The following NRXN1 variants were observed in gnomAD, a reference collection of about 807,000 sequenced individuals.
NRXN1 encodes the protein neurexin-1.
In NRXN1, 39 loss-of-function variants were observed where a neutral mutation model predicts 150.9. That is an observed-to-expected ratio of 0.26 (90% CI 0.20 to 0.34). The LOEUF (loss-of-function observed/expected upper bound fraction) is 0.34, where lower values mean the gene tolerates loss of function less well. Among genes scored for constraint, NRXN1 ranks in the 10% least tolerant of loss-of-function variants. The pLI, the probability that NRXN1 is intolerant of heterozygous loss-of-function variation, is 1.00. For missense variants in NRXN1, 1,815 were observed against 1,949.9 expected, an observed-to-expected ratio of 0.93 and a Z score of 1.30; for synonymous variants, 924 against 757.0, an observed-to-expected ratio of 1.22 and a Z score of -3.62.
At chr2:50,652,770 C>T (rs1225255045) in intron 5 of NRXN1, among the ~76,000 whole-genome samples, 1 of 151,954 alleles carries the variant, frequency 6.6e-6, no homozygotes, top group Non-Finnish European at 1.5e-5. Flanking sequence ...TAAGAAACTG[C>T]CAAAAGCTTT....
At chr2:50,303,326 A>G (rs1190312341) in intron 17 of NRXN1, among the ~76,000 whole-genome samples, 4 of 152,170 alleles carry the variant, frequency 2.6e-5, no homozygotes, top group African/African-American at 9.7e-5. Context: ...ACTTAGAATG[A>G]TGAGCGTCTG....
chr2:50,217,523 T>C (rs1335062307), intron 18 of NRXN1, among the ~76,000 whole-genome samples: 2 of 152,054 alleles, frequency 1.3e-5, no homozygotes, highest in African/African-American at 2.4e-5. Context: ...TCTAGGTATG[T>C]AGTTTTTTTT....
At chr2:49,986,273 T>C (rs1295351193) in intron 21 of NRXN1, among the ~76,000 whole-genome samples, 2 of 152,172 alleles carry the variant, frequency 1.3e-5, no homozygotes, top group African/African-American at 4.8e-5. Flanking sequence ...TCCAAAGACA[T>C]ACATATTGTT....
chr2:49,930,887 C>T (rs1168984811), intron 22 of NRXN1, among the ~76,000 whole-genome samples: 1 of 152,198 alleles, frequency 6.6e-6, no homozygotes, highest in Non-Finnish European at 1.5e-5. Flanking sequence ...GTGGCTCACA[C>T]CTGCAGTCGC....
chr2:50,916,497 G>A (rs114921747), intron 5 of NRXN1, among the ~76,000 whole-genome samples: 13,667 of 151,384 alleles, frequency 0.09, 685 homozygotes, highest in South Asian at 0.12. Flanking sequence ...GATTAAAAAA[G>A]TACATTTGCA....
chr2:50,340,767 A>G (rs2077492723), intron 17 of NRXN1, among the ~76,000 whole-genome samples: 1 of 152,148 alleles, frequency 6.6e-6, no homozygotes, highest in South Asian at 2.1e-4. Context: ...TGAATGACAA[A>G]ACAGTATAAA....
At chr2:51,002,560 G>C (rs936507436) in intron 2 of NRXN1, among the ~76,000 whole-genome samples, 3 of 151,954 alleles carry the variant, frequency 2.0e-5, no homozygotes, top group African/African-American at 7.2e-5. Context: ...AAAGAGCTTA[G>C]TTATGAGTCT....
intron 8 of NRXN1, among the ~76,000 whole-genome samples, chr2:50,570,453 C>T (rs1670501642): frequency 6.6e-6 from 1 of 152,108 alleles, no homozygotes; most frequent in African/African-American, 2.4e-5. Context: ...CAATAATCTG[C>T]TCCTTCCTCC....
chr2:50,060,016 G>C (rs778801369), intron 19 of NRXN1, among the ~76,000 whole-genome samples: 1 of 152,200 alleles, frequency 6.6e-6, no homozygotes, highest in Non-Finnish European at 1.5e-5. Context: ...GCACTACCTA[G>C]TGGAGCTGTG....
At chr2:49,972,765 G>T (rs1040558289) in intron 21 of NRXN1, 2 of 152,168 alleles carry the variant, frequency 1.3e-5, no homozygotes, top group Non-Finnish European at 2.9e-5. Context: ...TGTCACCACA[G>T]ATATGACATT....
At chr2:50,118,859 T>TAAA (rs1192026463) in intron 18 of NRXN1, among the ~76,000 whole-genome samples, 1 of 152,180 alleles carries the variant, frequency 6.6e-6, no homozygotes, top group Non-Finnish European at 1.5e-5. Context: ...GAATACATTT[T>TAAA]AATTCACCAG....
chr2:50,356,055 T>C (rs577059685), intron 17 of NRXN1, among the ~76,000 whole-genome samples: 2 of 151,538 alleles, frequency 1.3e-5, no homozygotes, highest in African/African-American at 4.9e-5. Context: ...GTCTTTCTTT[T>C]CCATACTTCA....
intron 18 of NRXN1, among the ~76,000 whole-genome samples, chr2:50,128,307 C>T (rs1455642024): frequency 6.6e-6 from 1 of 152,156 alleles, no homozygotes; most frequent in Non-Finnish European, 1.5e-5. Flanking sequence ...CATCTTTCGT[C>T]CCTTCGAACC....
At chr2:50,656,505 G>A in intron 5 of NRXN1, 2 of 633,364 alleles carry the variant, frequency 3.2e-6, no homozygotes, top group South Asian at 3.8e-5. Flanking sequence ...AGGTCTGGGG[G>A]TGAAAGGGGA....
chr2:50,626,768 T>C (rs1026142022), intron 5 of NRXN1, among the ~76,000 whole-genome samples: 1 of 151,884 alleles, frequency 6.6e-6, no homozygotes, highest in Non-Finnish European at 1.5e-5. Flanking sequence ...AAATTAACAA[T>C]GCTGGGTCAT....
intron 5 of NRXN1, among the ~76,000 whole-genome samples, chr2:50,679,529 T>A (rs1163636511): frequency 6.6e-6 from 1 of 152,118 alleles, no homozygotes; most frequent in East Asian, 1.9e-4. Flanking sequence ...AGAGTAAAGC[T>A]CACACACCAC....
chr2:50,304,718 T>A (rs2074455936), intron 17 of NRXN1, among the ~76,000 whole-genome samples: 1 of 152,178 alleles, frequency 6.6e-6, no homozygotes, highest in African/African-American at 2.4e-5. Context: ...AAGGAATGGA[T>A]TCTAAGACTT....
chr2:50,886,913 T>G (rs1680334189), intron 5 of NRXN1, among the ~76,000 whole-genome samples: 1 of 151,462 alleles, frequency 6.6e-6, no homozygotes. Flanking sequence ...GTTTCTCATA[T>G]AAGCACATCA....
intron 18 of NRXN1, among the ~76,000 whole-genome samples, chr2:50,175,573 A>G (rs2060302072): frequency 6.6e-6 from 1 of 152,090 alleles, no homozygotes; most frequent in African/African-American, 2.4e-5. Context: ...ACACAAAAGA[A>G]TATATGTGGA....
Sources: allele counts gnomAD v4.1 joint callset (sites outside exome capture counted in the v4.1 genomes callset), GRCh38; gene constraint gnomAD v4.1.1; transcripts MANE v1.5; gene names NCBI Gene and HGNC (gene_info 2026-07-23, HGNC 2026-07-21).